Variants in CDH13 observed in about 807,000 individuals in gnomAD.
The protein encoded by CDH13 is cadherin 13, also known as cadherin-13.
A neutral mutation model predicts 63.8 loss-of-function variants in CDH13; 24 were observed. The ratio of observed to expected loss-of-function variants is 0.38; its 90% CI spans 0.27 to 0.53. CDH13 has a LOEUF of 0.53. Among genes scored for constraint, CDH13 ranks in the 20% least tolerant of loss-of-function variants. CDH13 has a pLI of 0.85. For synonymous variants in CDH13, 503 were observed against 355.3 expected (o/e 1.42, Z -4.67); for missense variants, 1,049 against 903.1 (o/e 1.16, Z -2.07).
At chr16:82,806,862 A>G (rs186614964) in intron 1 of CDH13, among the ~76,000 whole-genome samples, 182 of 152,318 alleles carry the variant, frequency 1.2e-3, no homozygotes, top group Non-Finnish European at 2.3e-3. Flanking sequence ...TAACTGAGAA[A>G]TACAGTGTAA....
At chr16:82,779,232 T>A (rs1443355975) in intron 1 of CDH13, among the ~76,000 whole-genome samples, 2 of 152,166 alleles carry the variant, frequency 1.3e-5, no homozygotes, top group African/African-American at 4.8e-5. Context: ...ATTTTCTAGA[T>A]GAGAAAACCG....
chr16:83,181,113 G>A, intron 4 of CDH13: 1 of 1,061,822 alleles, frequency 9.4e-7, no homozygotes. Context: ...ACATTATTGG[G>A]TATTTGGGAT....
chr16:82,683,167 C>A (rs770999669), intron 1 of CDH13, among the ~76,000 whole-genome samples: 2 of 152,146 alleles, frequency 1.3e-5, no homozygotes, highest in Non-Finnish European at 2.9e-5. Flanking sequence ...GAAGATGTCG[C>A]CCTGGTGTGG....
intron 5 of CDH13, among the ~76,000 whole-genome samples, chr16:83,331,474 A>C (rs763038430): frequency 6.6e-6 from 1 of 152,202 alleles, no homozygotes; most frequent in Non-Finnish European, 1.5e-5. Flanking sequence ...CTTAGAGTTT[A>C]ACAGCCACCC....
intron 1 of CDH13, among the ~76,000 whole-genome samples, chr16:82,752,522 T>A (rs1321336451): frequency 6.6e-6 from 1 of 152,232 alleles, no homozygotes; most frequent in Non-Finnish European, 1.5e-5. Context: ...AAGTCTAAAC[T>A]GACATAAGCC....
intron 7 of CDH13, among the ~76,000 whole-genome samples, chr16:83,516,266 T>C (rs1056838647): frequency 2.0e-5 from 3 of 152,210 alleles, no homozygotes; most frequent in African/African-American, 4.8e-5. Flanking sequence ...TGGAACCGTT[T>C]GGGGAGTGTG....
At chr16:82,666,985 C>G (rs893081217) in intron 1 of CDH13, among the ~76,000 whole-genome samples, 1 of 152,154 alleles carries the variant, frequency 6.6e-6, no homozygotes. Context: ...AGTTCCTGTT[C>G]TTAAACACGC....
At chr16:82,923,495 C>T (rs2042218350) in intron 2 of CDH13, among the ~76,000 whole-genome samples, 1 of 152,128 alleles carries the variant, frequency 6.6e-6, no homozygotes, top group African/African-American at 2.4e-5. Flanking sequence ...AGGCAAAGGC[C>T]AACTCTTAGG....
intron 4 of CDH13, among the ~76,000 whole-genome samples, chr16:83,130,490 A>G (rs1268577625): frequency 1.3e-5 from 2 of 152,214 alleles, no homozygotes; most frequent in Non-Finnish European, 1.5e-5. Flanking sequence ...ATTCTTGGCA[A>G]TGCACTCAAA....
intron 2 of CDH13, among the ~76,000 whole-genome samples, chr16:82,917,095 A>T (rs543338377): frequency 1.3e-5 from 2 of 152,326 alleles, no homozygotes; most frequent in African/African-American, 2.4e-5. Context: ...AGTTATGGGG[A>T]GTGGGTCAGT....
At chr16:83,358,574 A>T (rs2091100265) in intron 6 of CDH13, among the ~76,000 whole-genome samples, 1 of 152,182 alleles carries the variant, frequency 6.6e-6, no homozygotes, top group African/African-American at 2.4e-5. Context: ...AAATCTAATA[A>T]CAGCTGAAAT....
intron 6 of CDH13, among the ~76,000 whole-genome samples, chr16:83,459,293 C>T (rs1359683562): frequency 6.6e-6 from 1 of 152,176 alleles, no homozygotes; most frequent in African/African-American, 2.4e-5. Context: ...CTTAATGAGC[C>T]TTTCTTCCTA....
intron 5 of CDH13, among the ~76,000 whole-genome samples, chr16:83,288,754 G>A (rs909259916): frequency 2.6e-5 from 4 of 152,200 alleles, no homozygotes; most frequent in African/African-American, 9.7e-5. Flanking sequence ...AAGTGGACAT[G>A]TCTTTATTTC....
chr16:82,742,226 G>A (rs967848870), intron 1 of CDH13, among the ~76,000 whole-genome samples: 2 of 152,064 alleles, frequency 1.3e-5, no homozygotes, highest in African/African-American at 2.4e-5. Flanking sequence ...TCCCATGTAC[G>A]CCAAAAACTG....
chr16:82,932,465 T>G (rs1473323040), intron 2 of CDH13, among the ~76,000 whole-genome samples: 1 of 152,152 alleles, frequency 6.6e-6, no homozygotes, highest in Non-Finnish European at 1.5e-5. Context: ...AATCTTAACA[T>G]TTTCCACAAA....
intron 2 of CDH13, among the ~76,000 whole-genome samples, chr16:82,868,069 A>G (rs968275152): frequency 6.6e-6 from 1 of 152,174 alleles, no homozygotes; most frequent in Non-Finnish European, 1.5e-5. Flanking sequence ...GAGACTGATT[A>G]ATTGATTAGT....
chr16:83,238,551 G>C (rs961417990), intron 5 of CDH13, among the ~76,000 whole-genome samples: 3 of 152,170 alleles, frequency 2.0e-5, no homozygotes, highest in Non-Finnish European at 4.4e-5. Flanking sequence ...TGTAGGACTT[G>C]AAACCCTGGG....
At chr16:83,052,866 A>G (rs1473606098) in intron 3 of CDH13, among the ~76,000 whole-genome samples, 1 of 152,116 alleles carries the variant, frequency 6.6e-6, no homozygotes, top group East Asian at 1.9e-4. Flanking sequence ...TGATTAATAA[A>G]AAAGCTATTT....
intron 4 of CDH13, among the ~76,000 whole-genome samples, chr16:83,161,200 C>T (rs1008797524): frequency 6.6e-6 from 1 of 152,106 alleles, no homozygotes; most frequent in African/African-American, 2.4e-5. Context: ...ATTAAAGCCT[C>T]CAGTTTCCAG....
Sources: allele counts gnomAD v4.1 joint callset (sites outside exome capture counted in the v4.1 genomes callset), GRCh38; gene constraint gnomAD v4.1.1; transcripts MANE v1.5; gene names NCBI Gene and HGNC (gene_info 2026-07-23, HGNC 2026-07-21).